Variants in TPRG1 observed in about 807,000 individuals in gnomAD.
TPRG1 encodes the protein tumor protein p63-regulated gene 1 protein.
Under a neutral mutation model 29.3 loss-of-function variants are expected in TPRG1, and 29 were observed. The observed-to-expected ratio is 0.99, with a 90% CI of 0.74 to 1.35. The LOEUF is 1.35. TPRG1 is among the 40% of genes most tolerant of loss of function. The probability of loss-of-function intolerance (pLI) is 0.00; values close to 1 mark genes in which losing one functional copy is unlikely to be tolerated. For synonymous variants in TPRG1, 130 were observed against 116.8 expected, an observed-to-expected ratio of 1.11 and a Z score of -0.73; for missense variants, 327 against 335.0, an observed-to-expected ratio of 0.98 and a Z score of 0.19.
intron 4 of TPRG1, among the ~76,000 whole-genome samples, chr3:189,249,014 A>C (rs1741761033): frequency 6.6e-6 from 1 of 151,438 alleles, no homozygotes; most frequent in South Asian, 2.1e-4. Context: ...TAGTGAGATT[A>C]GTATATCATA....
chr3:189,260,592 A>C (rs1712826847), intron 4 of TPRG1, among the ~76,000 whole-genome samples: 1 of 152,222 alleles, frequency 6.6e-6, no homozygotes, highest in Non-Finnish European at 1.5e-5. Context: ...ACAAAAGCTA[A>C]GCAGGGAGGT....
chr3:189,031,089 T>C (rs1713908444), intron 4 of TPRG1, among the ~76,000 whole-genome samples: 1 of 152,132 alleles, frequency 6.6e-6, no homozygotes, highest in South Asian at 2.1e-4. Flanking sequence ...GAGACCAGCC[T>C]GGCCAACATG....
chr3:189,236,403 G>A (rs1296448250), intron 3 of TPRG1, among the ~76,000 whole-genome samples: 1 of 152,144 alleles, frequency 6.6e-6, no homozygotes, highest in Non-Finnish European at 1.5e-5. Context: ...TCTATTTAGG[G>A]AAGTTTATGT....
chr3:189,228,381 T>G (rs1738115764), intron 3 of TPRG1, among the ~76,000 whole-genome samples: 1 of 149,798 alleles, frequency 6.7e-6, no homozygotes, highest in Non-Finnish European at 1.5e-5. Flanking sequence ...ATAGCAAATA[T>G]AACACAGTAT....
intron 5 of TPRG1, among the ~76,000 whole-genome samples, chr3:189,317,265 G>C (rs1489892402): frequency 1.3e-5 from 2 of 152,116 alleles, no homozygotes; most frequent in Admixed American, 1.3e-4. Flanking sequence ...ATTATACTTT[G>C]ATTTTTAAGA....
intron 4 of TPRG1, among the ~76,000 whole-genome samples, chr3:189,266,010 C>T (rs777598486): frequency 2.6e-5 from 4 of 152,056 alleles, no homozygotes; most frequent in East Asian, 3.9e-4. Flanking sequence ...TCCCAAAGAC[C>T]GAGAATGATA....
At chr3:189,024,440 G>A (rs186227084) in intron 4 of TPRG1, among the ~76,000 whole-genome samples, 8 of 152,272 alleles carry the variant, frequency 5.3e-5, no homozygotes, top group African/African-American at 1.9e-4. Flanking sequence ...TCAAAACTCT[G>A]TCTATATAAT....
intron 4 of TPRG1, among the ~76,000 whole-genome samples, chr3:189,053,854 G>T (rs1194793731): frequency 6.6e-6 from 1 of 152,172 alleles, no homozygotes; most frequent in Non-Finnish European, 1.5e-5. Context: ...CCTGGATTAG[G>T]CTTCGGCTTA....
At chr3:189,199,258 T>C (rs1296464806) in intron 1 of TPRG1, among the ~76,000 whole-genome samples, 3 of 152,192 alleles carry the variant, frequency 2.0e-5, no homozygotes, top group Admixed American at 2.0e-4. Flanking sequence ...AGAGAACCAA[T>C]TTGCTCAGTT....
chr3:189,161,421 T>A (rs995358801), intron 5 of TPRG1, among the ~76,000 whole-genome samples: 1 of 152,166 alleles, frequency 6.6e-6, no homozygotes, highest in Non-Finnish European at 1.5e-5. Context: ...ATTACATGCA[T>A]ATTAGATTGC....
Position 189,116,096 on chromosome 3 carries a change from A to G in TPRG1, c.-743-10961A>G, listed in dbSNP as rs75540207. On this transcript the variant is annotated intron_variant, in intron 1 of 6. Coordinates refer to the TPRG1 transcript ENST00000412373. ...GTATGCTGGTTTCTCAAAAAATTCAAAATAGTATTACCATATGATCCAGCA... is the reference window on the plus strand; with the variant it reads ...GTATGCTGGTTTCTCAAAAAATTCAGAATAGTATTACCATATGATCCAGCA... 3.3e-5 allele frequency among the ~76,000 whole-genome samples: 5 copies of G among 152,238 alleles called. No homozygotes were observed. In the East Asian group the frequency reaches 9.6e-4, roughly 29 times the overall value.
chr3:189,201,267 G>C (rs16864083), intron 1 of TPRG1, among the ~76,000 whole-genome samples: 1 of 152,126 alleles, frequency 6.6e-6, no homozygotes, highest in African/African-American at 2.4e-5. Context: ...CTTCCCAAGG[G>C]TTCACAGAGA....
intron 5 of TPRG1, among the ~76,000 whole-genome samples, chr3:189,316,901 G>A (rs1386908869): frequency 1.3e-5 from 2 of 152,150 alleles, no homozygotes; most frequent in Non-Finnish European, 2.9e-5. Context: ...AGCCAGCTCG[G>A]GGACTTGGCC....
intron 4 of TPRG1, among the ~76,000 whole-genome samples, chr3:189,148,761 C>T (rs116140912): frequency 0.023 from 3,541 of 152,318 alleles, 150 homozygotes; most frequent in African/African-American, 0.081. Context: ...GGTACACACG[C>T]TTTTCAAACA....
At chr3:189,172,332 AT>A (rs58310437) in intron 1 of TPRG1, among the ~76,000 whole-genome samples, 17,812 of 152,134 alleles carry the variant, frequency 0.12, 1,287 homozygotes, top group African/African-American at 0.19. Context: ...GTAGGCTAGC[AT>A]TTTTTAGCCT....
chr3:189,153,615 A>G (rs73055415), intron 5 of TPRG1, among the ~76,000 whole-genome samples: 2,373 of 152,162 alleles, frequency 0.016, 56 homozygotes, highest in African/African-American at 0.054. Context: ...TCCTAGATCA[A>G]GTGTGTAAAC....
chr3:189,217,558 TCC>T (rs942172177), intron 3 of TPRG1, among the ~76,000 whole-genome samples: 16 of 152,164 alleles, frequency 1.1e-4, no homozygotes, highest in Non-Finnish European at 1.9e-4. Context: ...TACCTCCTCT[TCC>T]CCATTAAAAC....
At chr3:189,320,310 A>C (rs1418724280) in intron 5 of TPRG1, among the ~76,000 whole-genome samples, 1 of 152,120 alleles carries the variant, frequency 6.6e-6, no homozygotes, top group African/African-American at 2.4e-5. Context: ...TATACTAACA[A>C]AATATTAAAG....
chr3:189,059,937 T>C (rs1176075389), intron 4 of TPRG1, among the ~76,000 whole-genome samples: 1 of 152,086 alleles, frequency 6.6e-6, no homozygotes, highest in Non-Finnish European at 1.5e-5. Flanking sequence ...CATTCCTTCA[T>C]GTTAAAAACT....
Sources: gnomAD v4.1 joint callset for allele counts (sites outside exome capture counted in the v4.1 genomes callset) on GRCh38, gnomAD v4.1.1 for gene constraint, MANE v1.5 for transcripts, NCBI Gene and HGNC (gene_info 2026-07-23, HGNC 2026-07-21) for gene names.